Variants in PNPLA5 observed in about 807,000 individuals in gnomAD.
PNPLA5 encodes patatin like domain 5, triacylglycerol lipase, also known as patatin-like phospholipase domain-containing protein 5.
A neutral mutation model predicts 49.1 loss-of-function variants in PNPLA5; 44 were observed. That is an observed-to-expected ratio of 0.90 (90% CI 0.70 to 1.15). The LOEUF (loss-of-function observed/expected upper bound fraction) is 1.15. PNPLA5 is among the 50% of genes most tolerant of loss of function. The pLI, the probability that PNPLA5 is intolerant of heterozygous loss-of-function variation, is 0.00. For synonymous variants in PNPLA5, 243 were observed against 244.4 expected (o/e 0.99, Z 0.06); for missense variants, 603 against 564.0 (o/e 1.07, Z -0.70).
At chr22:43,883,823 AAAAGAAAAG>A (rs2049634064) in intron 7 of PNPLA5, among the ~76,000 whole-genome samples, 3 of 85,374 alleles carry the variant, frequency 3.5e-5, no homozygotes, top group African/African-American at 1.3e-4. Flanking sequence ...AAAAAAAAAG[AAAAGAAAAG>A]AAAGAAAAGA....
chr22:43,885,157 C>T (rs186546123), intron 6 of PNPLA5, among the ~76,000 whole-genome samples: 2 of 152,212 alleles, frequency 1.3e-5, no homozygotes, highest in African/African-American at 4.8e-5. Flanking sequence ...GTGCTCCACC[C>T]GAGGCAGCTC....
At chr22:43,883,944 G>A (rs1023954505) in intron 7 of PNPLA5, among the ~76,000 whole-genome samples, 10 of 152,168 alleles carry the variant, frequency 6.6e-5, no homozygotes, top group Non-Finnish European at 1.0e-4. Context: ...CAAAGGTCAC[G>A]GAGACAGTGT....
chr22:43,880,152 G>T lies in PNPLA5; in HGVS notation c.*643C>A, dbSNP rs1269900809. ...CAGCTACGTCACAAACCTTCTGCAG[G>T]AATGAGGCTGTGGGGATAGCAGGGG... On this transcript the variant is annotated 3_prime_UTR_variant, in exon 9 of 9. Transcript: ENST00000216177. The T allele has an allele frequency of 2.9e-6, 1 of 347,792 alleles. No individual in the cohort carries two copies. Among genetic ancestry groups the T allele is most frequent in the Non-Finnish European group, 5.1e-6 (1 of 194,240 alleles). 21.5% of individuals were successfully genotyped at this position (347,792 alleles called of 1,614,324 possible). A position where few individuals can be genotyped will look rare whatever the true frequency, so the allele number is the denominator to read the frequency against.
chr22:43,887,070 AACACAC>A (rs147288997), intron 5 of PNPLA5, among the ~76,000 whole-genome samples: 1 of 149,482 alleles, frequency 6.7e-6, no homozygotes, highest in East Asian at 2.0e-4. Context: ...CTGCCCCATG[AACACAC>A]ACACACACAC....
chr22:43,885,344 G>A (rs1406738550), intron 6 of PNPLA5, among the ~76,000 whole-genome samples: 2 of 150,180 alleles, frequency 1.3e-5, no homozygotes, highest in African/African-American at 2.5e-5. Flanking sequence ...ATCTGGCCTC[G>A]ACCGCCATCC....
chr22:43,884,211 A>G lies in PNPLA5; in HGVS notation c.1082+2T>C, dbSNP rs780793236. 3.2e-6 allele frequency: 5 copies of G among 1,544,992 alleles called. No individual in the cohort carries two copies. The highest frequency in any genetic ancestry group is 4.4e-6 in the Non-Finnish European group (5 of 1,142,512). ...TTCCCAGGCCCCCTGGCCGAGCCTTACCTTCTGCTGCGGAAGTAGATGTAC... is the reference window on the plus strand; with the variant it reads ...TTCCCAGGCCCCCTGGCCGAGCCTTGCCTTCTGCTGCGGAAGTAGATGTAC... On this transcript the variant is annotated splice_donor_variant, in intron 7 of 8. Transcript: ENST00000216177. LOFTEE classifies it high-confidence loss of function.
chr22:43,891,578 GC>G, intron 1 of PNPLA5, 109 bp downstream of exon 1: 1 of 1,371,614 alleles, frequency 7.3e-7, no homozygotes, highest in Non-Finnish European at 9.7e-7. Flanking sequence ...ATGAGGCTGT[GC>G]CGGGGGTAGA....
rs1283577368 is a variant in PNPLA5 at position 43,880,827 on chromosome 22, T to C, written c.1258A>G (p.Arg420Gly). 1 of 1,340,072 alleles carries C rather than the reference T, an allele frequency of 7.5e-7. No individual in the cohort carries two copies. The highest frequency in any genetic ancestry group is 2.8e-5 in the East Asian group (1 of 35,730). The allele number at this position is 1,340,072 out of a possible 1,614,324, so 83.0% of individuals were successfully genotyped here. A position where few individuals can be genotyped will look rare whatever the true frequency, so the allele number is the denominator to read the frequency against. The change falls in exon 9 of 9, where the codon AGA becomes GGA. Residue 420 changes from arginine to glycine, a missense_variant. Coordinates refer to ENST00000216177, the MANE Select transcript of PNPLA5 (RefSeq NM_138814.4). Reference sequence around the variant, plus strand: ...TGGTGGGTGGGCCCGAGCTCCTCTCTATGAGGAGCTATCTGGGGTTGGAGG... The same window carrying C: ...TGGTGGGTGGGCCCGAGCTCCTCTCCATGAGGAGCTATCTGGGGTTGGAGG... ...SPLQPQIAPH[R>G]EELGPTHQA is the part of the protein sequence containing the mutation.
rs148283322 is a variant in PNPLA5, at chr22:43,886,489, C to T, written c.764-1G>A. The T allele has an allele frequency of 3.7e-6, 6 of 1,610,366 alleles. No homozygotes were observed. In the African/African-American group the frequency reaches 8.0e-5, roughly 22 times the overall value. On this transcript the variant is annotated splice_acceptor_variant, in intron 5 of 8. Transcript: ENST00000216177. LOFTEE classifies it high-confidence loss of function. ...CATAGCACTGGTTCCTTGGTGAGTCCTGGGTCAGGGGAAGGGAGAGGATAA... is the reference window on the plus strand; with the variant it reads ...CATAGCACTGGTTCCTTGGTGAGTCTTGGGTCAGGGGAAGGGAGAGGATAA...
chr22:43,886,349 G>T lies in PNPLA5; in HGVS notation c.903C>A (p.Val301=). The change falls in exon 6 of 9, where the codon GTC becomes GTA. Residue 301 remains valine (V), a synonymous_variant. Transcript: ENST00000216177. ...SLNWKVPHVQ[V]KDVPNFEQLS... ...GCTGCTCAAAGTTGGGTACATCCTT[G>T]ACTTGCACATGGGGCACTTTCCAGT... The T allele has an allele frequency of 6.2e-7, 1 of 1,614,144 alleles. No homozygotes were observed. The highest frequency in any genetic ancestry group is 1.1e-5 in the South Asian group (1 of 91,074).
Position 43,891,808 on chromosome 22 carries a change from CG to C in PNPLA5, c.72del (p.His24GlnfsTer58). 1 of 1,521,748 alleles carries C rather than the reference CG, an allele frequency of 6.6e-7. No homozygotes were observed. Among genetic ancestry groups the C allele is most frequent in the Non-Finnish European group, 8.8e-7 (1 of 1,139,258 alleles). 94.3% of individuals were successfully genotyped at this position (1,521,748 alleles called of 1,614,324 possible). ...FSGAGYLGAH[H>X]VGATECLRQR... ...TGGCGCAGGCATTCGGTGGCGCCCA[CG>C]TGGTGGGCGCCCAGGTAGCCGGCGC... is the stretch of plus-strand genomic sequence containing the variant. On this transcript the variant is annotated frameshift_variant, in exon 1 of 9. Coordinates refer to ENST00000216177, the MANE Select transcript of PNPLA5 (RefSeq NM_138814.4). LOFTEE classifies it high-confidence loss of function.
rs2049725060 is a variant in PNPLA5, at chr22:43,891,680, G to T, written c.193+8C>A. The T allele has an allele frequency of 6.5e-7, 1 of 1,544,192 alleles. No homozygotes were observed. Among genetic ancestry groups the T allele is most frequent in the Admixed American group, 2.0e-5 (1 of 48,964 alleles). ...CGCCCCTTTTCGCCCCCGCGGTCCG[G>T]GACTCACCGACCGACTTGCCGCAGA... is the stretch of plus-strand genomic sequence containing the variant. On this transcript the variant is annotated splice_region_variant and intron_variant, in intron 1 of 8. Coordinates refer to ENST00000216177, the MANE Select transcript of PNPLA5 (RefSeq NM_138814.4).
At chr22:43,884,679 G>A (rs1049419710) in intron 6 of PNPLA5, among the ~76,000 whole-genome samples, 14 of 152,160 alleles carry the variant, frequency 9.2e-5, no homozygotes, top group African/African-American at 3.1e-4. Context: ...TGCCCCTCTA[G>A]AAAGTCTGTG....
chr22:43,881,075 C>T (rs1231386598), intron 8 of PNPLA5, 190 bp from the exon 9 acceptor site: 1 of 782,540 alleles, frequency 1.3e-6, no homozygotes, highest in African/African-American at 1.9e-5. Flanking sequence ...GGCCACTCCC[C>T]AGAGAACTGC....
chr22:43,882,291 C>T (rs534541812), intron 7 of PNPLA5, among the ~76,000 whole-genome samples: 1 of 152,336 alleles, frequency 6.6e-6, no homozygotes, highest in Non-Finnish European at 1.5e-5. Context: ...GTCCTTGGAA[C>T]TGCGTGTTAT....
Position 43,880,301 on chromosome 22 carries a change from A to G in PNPLA5, c.*494T>C, listed in dbSNP as rs545332866. On this transcript the variant is annotated 3_prime_UTR_variant, in exon 9 of 9. Transcript: ENST00000216177. ...TGGACCTGATAGGAATTCAGAAGTC[A>G]AGGTTTCCTGAGTGGGGTAGATGCC... 1.2e-4 allele frequency: 46 copies of G among 397,828 alleles called. 3 individuals carry two copies. In the South Asian group the frequency reaches 6.2e-3, roughly 54 times the overall value. 24.6% of individuals were successfully genotyped at this position (397,828 alleles called of 1,614,324 possible). A position where few individuals can be genotyped will look rare whatever the true frequency, so the allele number is the denominator to read the frequency against.
At chr22:43,890,606 C>A (rs1008359625) in intron 2 of PNPLA5, among the ~76,000 whole-genome samples, 2 of 152,186 alleles carry the variant, frequency 1.3e-5, no homozygotes, top group African/African-American at 2.4e-5. Flanking sequence ...ACCGCCTGCC[C>A]CCCAGAACCA....
intron 7 of PNPLA5, 152 bp downstream of exon 7, chr22:43,884,061 T>C (rs2049636906): frequency 1.6e-6 from 1 of 623,706 alleles, no homozygotes; most frequent in Non-Finnish European, 2.7e-6. Flanking sequence ...CTCTGAGTCA[T>C]GCAGTCAACA....
intron 7 of PNPLA5, 94 bp from the exon 8 acceptor site, chr22:43,881,768 G>A (rs1451975021): frequency 2.0e-6 from 3 of 1,511,544 alleles, no homozygotes; most frequent in Non-Finnish European, 2.7e-6. Context: ...ACAGCCGGGA[G>A]CCCTGCTCCT....
Sources: allele counts gnomAD v4.1 joint callset (sites outside exome capture counted in the v4.1 genomes callset), GRCh38; gene constraint gnomAD v4.1.1; transcripts MANE v1.5; gene names NCBI Gene and HGNC (gene_info 2026-07-23, HGNC 2026-07-21).